Variants in AGL observed in about 807,000 individuals in gnomAD.
AGL encodes glycogen debranching enzyme.
A neutral mutation model predicts 199.3 loss-of-function variants in AGL; 128 were observed. The observed-to-expected ratio is 0.64, with a 90% CI of 0.56 to 0.74. The LOEUF (loss-of-function observed/expected upper bound fraction) is 0.74. AGL is among the 30% of genes least tolerant of loss of function. The pLI, the probability that AGL is intolerant of heterozygous loss-of-function variation, is 0.00. For synonymous variants in AGL, 584 were observed against 594.7 expected, an observed-to-expected ratio of 0.98 and a Z score of 0.26; for missense variants, 1,809 against 1,820.8, an observed-to-expected ratio of 0.99 and a Z score of 0.12.
At chr1:99,889,107 C>T (rs1652680855) in intron 21 of AGL, among the ~76,000 whole-genome samples, 1 of 152,024 alleles carries the variant, frequency 6.6e-6, no homozygotes, top group Non-Finnish European at 1.5e-5. Flanking sequence ...CAAAATGGTA[C>T]CTACCACAGG....
At chr1:99,866,391 C>T (rs750940776) in intron 5 of AGL, among the ~76,000 whole-genome samples, 8 of 152,196 alleles carry the variant, frequency 5.3e-5, no homozygotes, top group African/African-American at 1.7e-4. Context: ...TCTGCAGTCT[C>T]CAACACTTTG....
In AGL at chr1:99,874,740, G is replaced by C; in HGVS notation, c.1012G>C (p.Asp338His). ...AAACCAACACCTTACGATTATTCAAGATCCTGAATACAGACGGTTTGGCTG... is the reference window on the plus strand; with the variant it reads ...AAACCAACACCTTACGATTATTCAACATCCTGAATACAGACGGTTTGGCTG... ...DPNQHLTIIQ[D>H]PEYRRFGCTV... Residue 338 changes from aspartate to histidine, a missense_variant, in exon 8 of 34, where the codon GAT becomes CAT. Coordinates refer to ENST00000361915, the MANE Select transcript of AGL (RefSeq NM_000642.3). The C allele has an allele frequency of 6.2e-7, 1 of 1,600,452 alleles. No individual in the cohort carries two copies. Among genetic ancestry groups the C allele is most frequent in the Non-Finnish European group, 8.5e-7 (1 of 1,171,918 alleles).
intron 2 of AGL, among the ~76,000 whole-genome samples, chr1:99,857,060 G>A (rs1649545618): frequency 6.6e-6 from 1 of 151,538 alleles, no homozygotes. Context: ...CGGCTGGCCG[G>A]GCAGGGGGCT....
At chr1:99,892,215 A>G (rs976400076) in intron 23 of AGL, among the ~76,000 whole-genome samples, 1 of 152,176 alleles carries the variant, frequency 6.6e-6, no homozygotes, top group African/African-American at 2.4e-5. Context: ...CATTTCTACC[A>G]TTTGTTTTAC....
In AGL at chr1:99,916,398, A is replaced by G. The variant is rs369973784; in HGVS notation, c.4260-12A>G. On this transcript the variant is annotated splice_polypyrimidine_tract_variant and intron_variant, in intron 31 of 33. Transcript: ENST00000361915. ...CATCTTTTATTTAACTTAAATTTCA[A>G]TCATTTTGCAGTGATATGGTTTACT... is the stretch of plus-strand genomic sequence containing the variant. 113 of 1,581,996 alleles carry G rather than the reference A, an allele frequency of 7.1e-5. No homozygotes were observed. The highest frequency in any genetic ancestry group is 8.3e-5 in the Non-Finnish European group (96 of 1,155,268).
chr1:99,881,653 C>T lies in AGL; in HGVS notation c.2270C>T (p.Ser757Leu), dbSNP rs746130741. ...ACTGCTTTCAGGAATCCCAAGACTT[C>T]ATTTTACAGCAAGGAAGTGCCTCAA... Reference protein sequence around the residue: ...SRTAFRNPKTSFYSKEVPQMC... With the variant: ...SRTAFRNPKTLFYSKEVPQMC... The change falls in exon 17 of 34, where the codon TCA becomes TTA. Residue 757 changes from serine to leucine, a missense_variant. Physicochemically the swap from Ser to Leu is moderately radical, Grantham distance 145. Coordinates refer to ENST00000361915, the MANE Select transcript of AGL (RefSeq NM_000642.3). 3 of 1,613,874 alleles carry T rather than the reference C, an allele frequency of 1.9e-6. No individual in the cohort carries two copies. Among genetic ancestry groups the T allele is most frequent in the Non-Finnish European group, 2.5e-6 (3 of 1,179,920 alleles).
At chr1:99,858,022 G>T (rs1016994532) in intron 2 of AGL, among the ~76,000 whole-genome samples, 2 of 152,192 alleles carry the variant, frequency 1.3e-5, no homozygotes, top group Non-Finnish European at 2.9e-5. Context: ...GAGGTTGTAG[G>T]TCTGGAAGGG....
intron 24 of AGL, among the ~76,000 whole-genome samples, chr1:99,894,574 T>C (rs1384516899): frequency 2.0e-5 from 3 of 152,284 alleles, no homozygotes; most frequent in African/African-American, 7.2e-5. Context: ...ATACACAGTG[T>C]ATTTGGGGAA....
At chr1:99,888,452 C>T (rs183203343) in intron 21 of AGL, among the ~76,000 whole-genome samples, 5 of 152,236 alleles carry the variant, frequency 3.3e-5, no homozygotes, top group Non-Finnish European at 5.9e-5. Context: ...CTGTATAGCT[C>T]TTTATGTATA....
rs28730708 is a variant in AGL at position 99,915,441 on chromosome 1, A to G, written c.4214A>G (p.Glu1405Gly). 204 of 1,613,596 alleles carry G rather than the reference A, an allele frequency of 1.3e-4. No individual in the cohort carries two copies. In the African/African-American group the frequency reaches 2.5e-3, roughly 20 times the overall value. The change falls in exon 31 of 34, where the codon GAA becomes GGA. Residue 1405 changes from glutamate (E) to glycine (G), a missense_variant. Physicochemically the swap from Glu to Gly is moderately conservative, Grantham distance 98. Coordinates refer to ENST00000361915, the MANE Select transcript of AGL (RefSeq NM_000642.3). ...EKAWKALEIA[E>G]KKLLGPLGMK... ...GCATGGAAAGCTTTGGAGATTGCAGAAAAAAAATTGCTTGGTCCCCTTGGC... is the reference window on the plus strand; with the variant it reads ...GCATGGAAAGCTTTGGAGATTGCAGGAAAAAAATTGCTTGGTCCCCTTGGC...
chr1:99,907,574 G>A (rs1259841523), intron 27 of AGL, among the ~76,000 whole-genome samples: 2 of 151,932 alleles, frequency 1.3e-5, no homozygotes, highest in Non-Finnish European at 2.9e-5. Context: ...CTTACTAATA[G>A]TAAACAGGCT....
chr1:99,894,040 T>A (rs954480754), intron 24 of AGL, among the ~76,000 whole-genome samples: 10 of 151,920 alleles, frequency 6.6e-5, no homozygotes, highest in Admixed American at 5.9e-4. Context: ...AATTAAAAAT[T>A]AGCCAGGCAT....
At chr1:99,905,372 T>TTTTTTGTTGTTGTTG (rs551133482) in intron 27 of AGL, among the ~76,000 whole-genome samples, 2 of 150,896 alleles carry the variant, frequency 1.3e-5, no homozygotes, top group African/African-American at 4.9e-5. Context: ...ATTTTTTGTA[T>TTTTTTGTTGTTGTTG]TTGTTGTTGT....
intron 21 of AGL, among the ~76,000 whole-genome samples, chr1:99,889,787 T>C (rs1377010136): frequency 6.6e-6 from 1 of 152,170 alleles, no homozygotes; most frequent in East Asian, 1.9e-4. Context: ...ATCTTTCTAA[T>C]GAAATGATTC....
rs746233243 is a variant in AGL at position 99,884,413 on chromosome 1, A to T, written c.2508A>T (p.Glu836Asp). ...KGPNEYIQEI[E>D]FENLSPGSVI... ...CCAATGAATATATTCAAGAAATAGA[A>T]TTTGAAAACTTGTCTCCAGGAAGTG... The change falls in exon 19 of 34, where the codon GAA becomes GAT. Residue 836 changes from glutamate to aspartate, a missense_variant. By Grantham distance (45) the Glu-to-Asp change is conservative. Coordinates refer to ENST00000361915, the MANE Select transcript of AGL (RefSeq NM_000642.3). The T allele has an allele frequency of 1.9e-6, 3 of 1,613,406 alleles. No homozygotes were observed. The South Asian group carries it at 3.3e-5, about 18-fold the overall frequency.
chr1:99,874,651 A>C, intron 7 of AGL, 36 bp from the exon 8 acceptor site: 1 of 1,584,054 alleles, frequency 6.3e-7, no homozygotes, highest in Non-Finnish European at 8.7e-7. Context: ...CTTTGTAGAT[A>C]TTTGCATTTA....
chr1:99,900,896 T>G lies in AGL; in HGVS notation c.3588+35T>G, dbSNP rs781282786. On this transcript the variant is annotated intron_variant, in intron 26 of 33. Transcript: ENST00000361915. ...TTTCTTAAAATGTTTTTTTGTTTTT[T>G]TTTTTTTTTCTGAAAAATGACTTTT... The G allele has an allele frequency of 3.0e-5, 46 of 1,522,782 alleles. 1 individual carries two copies. The highest frequency in any genetic ancestry group is 3.4e-4 in the Middle Eastern group (2 of 5,880). The allele number at this position is 1,522,782 out of a possible 1,614,324, so 94.3% of individuals were successfully genotyped here. A position where few individuals can be genotyped will look rare whatever the true frequency, so the allele number is the denominator to read the frequency against.
intron 33 of AGL, 43 bp from the exon 34 acceptor site, chr1:99,921,491 G>A (rs1408750747): frequency 7.1e-7 from 1 of 1,407,950 alleles, no homozygotes; most frequent in Non-Finnish European, 1.0e-6. Context: ...TTGTTAATAT[G>A]AATTAAATTA....
chr1:99,915,378 G>T lies in AGL; in HGVS notation c.4162-11G>T, dbSNP rs184309460. 9 of 1,604,696 alleles carry T rather than the reference G, an allele frequency of 5.6e-6. No individual in the cohort carries two copies. The highest frequency in any genetic ancestry group is 2.2e-5 in the East Asian group (1 of 44,822). On this transcript the variant is annotated splice_polypyrimidine_tract_variant and intron_variant, in intron 30 of 33. Transcript: ENST00000361915. ...TTAAAAATTTGTATATTTGTTTTTG[G>T]CATTCACTAGGCCCCTGAGCTCTTT... is the stretch of plus-strand genomic sequence containing the variant.
Sources: allele counts gnomAD v4.1 joint callset (sites outside exome capture counted in the v4.1 genomes callset), GRCh38; gene constraint gnomAD v4.1.1; transcripts MANE v1.5; gene names NCBI Gene and HGNC (gene_info 2026-07-23, HGNC 2026-07-21).